Variants in HIVEP1 observed in about 807,000 individuals in gnomAD.
HIVEP1 encodes the protein HIVEP zinc finger 1, also known as zinc finger protein 40.
In HIVEP1, 36 loss-of-function variants were observed where a neutral mutation model predicts 180.0. The observed-to-expected ratio is 0.20, with a 90% CI of 0.15 to 0.26. The LOEUF is 0.26. Ranked by LOEUF, HIVEP1 falls within the 10% of genes least tolerant of loss-of-function variation. HIVEP1 has a pLI of 1.00. For missense variants in HIVEP1, 3,143 were observed against 3,268.7 expected (o/e 0.96, Z 0.94); for synonymous variants, 1,239 against 1,239.0 (o/e 1.00, Z 0.00).
At chr6:12,077,726 A>T (rs1445848169) in intron 2 of HIVEP1, among the ~76,000 whole-genome samples, 1 of 152,192 alleles carries the variant, frequency 6.6e-6, no homozygotes, top group Non-Finnish European at 1.5e-5. Flanking sequence ...TTGACATCTA[A>T]TTCTGTTGAG....
At chr6:12,174,895 GTGATTTGTAAATGAA>G in the HIVEP1 span, among the ~76,000 whole-genome samples, 1 of 150,074 alleles carries the variant, frequency 6.7e-6, no homozygotes, top group African/African-American at 2.4e-5. Flanking sequence ...TGTAATTTAA[GTGATTTGTAAATGAA>G]TGATTTGTAA....
chr6:12,095,722 A>G (rs946441993), intron 3 of HIVEP1, among the ~76,000 whole-genome samples: 1 of 151,942 alleles, frequency 6.6e-6, no homozygotes, highest in Non-Finnish European at 1.5e-5. Flanking sequence ...TCATTTTGCC[A>G]TGATGAAAAA....
chr6:12,049,216 G>A (rs1770333390), intron 2 of HIVEP1, among the ~76,000 whole-genome samples: 1 of 152,136 alleles, frequency 6.6e-6, no homozygotes, highest in South Asian at 2.1e-4. Flanking sequence ...GTACACAGAG[G>A]CTTGAGATTA....
At chr6:12,009,465 C>A (rs1023172351), upstream of HIVEP1, among the ~76,000 whole-genome samples, 1 of 152,214 alleles carries the variant, frequency 6.6e-6, no homozygotes, top group Non-Finnish European at 1.5e-5. Context: ...CCTCCAGGAG[C>A]CCCCTCTTTT....
the HIVEP1 span, among the ~76,000 whole-genome samples, chr6:12,177,215 C>G: frequency 3.9e-5 from 6 of 152,114 alleles, no homozygotes; most frequent in African/African-American, 1.4e-4. Flanking sequence ...CTATTGAGTA[C>G]TAGGCTTAGT....
chr6:12,079,933 CATCTATCTATCTATCTATCTATCT>C (rs60204350), intron 2 of HIVEP1, among the ~76,000 whole-genome samples: 42 of 149,140 alleles, frequency 2.8e-4, no homozygotes, highest in Non-Finnish European at 4.3e-4. Flanking sequence ...TTCCTGATGG[CATCTATCTATCTATCTATCTATCT>C]ATCTATCTAT....
chr6:12,073,664 A>C (rs559118007), intron 2 of HIVEP1, among the ~76,000 whole-genome samples: 1 of 152,302 alleles, frequency 6.6e-6, no homozygotes, highest in African/African-American at 2.4e-5. Flanking sequence ...TTTCATTAAA[A>C]ATATATATTT....
In HIVEP1 at chr6:12,075,040, A is replaced by G. The variant is rs534119555; in HGVS notation, c.41-14144A>G. On this transcript the variant is annotated intron_variant, in intron 2 of 8. Coordinates refer to ENST00000379388, the MANE Select transcript of HIVEP1 (RefSeq NM_002114.4). The stretch of plus-strand genomic sequence containing the variant: ...GTTAATTAGTTCAAACAGAAAAGAC[A>G]GTAAAAAAAGTACAGTGAAACCTGT... Among the ~76,000 whole-genome samples the G allele has an allele frequency of 3.9e-5, 6 of 152,366 alleles. No individual in the cohort carries two copies. In the South Asian group the frequency reaches 1.0e-3, roughly 26 times the overall value.
At chr6:12,055,285 C>T (rs531550846) in intron 2 of HIVEP1, among the ~76,000 whole-genome samples, 66 of 152,170 alleles carry the variant, frequency 4.3e-4, no homozygotes, top group East Asian at 1.5e-3. Context: ...CCATCCTGGC[C>T]AACACGGTGA....
At chr6:12,049,427 A>G (rs912017204) in intron 2 of HIVEP1, among the ~76,000 whole-genome samples, 18 of 152,162 alleles carry the variant, frequency 1.2e-4, no homozygotes, top group African/African-American at 3.9e-4. Flanking sequence ...GCGTGACAGC[A>G]CTGGCTTTCT....
At chr6:12,168,064 CATATATATGTGTATATAT>C (rs1392507001), downstream of HIVEP1, among the ~76,000 whole-genome samples, 1 of 21,448 alleles carries the variant, frequency 4.7e-5, no homozygotes, top group Admixed American at 7.3e-4. Flanking sequence ...TGTATATATA[CATATATATGTGTATATAT>C]ACATATATAC....
the HIVEP1 span, among the ~76,000 whole-genome samples, chr6:12,184,002 TA>T: frequency 2.1e-5 from 3 of 143,088 alleles, no homozygotes; most frequent in South Asian, 2.2e-4. Flanking sequence ...GATAGATAGA[TA>T]GATAGATAGA....
At chr6:12,208,697 G>A in the HIVEP1 span, among the ~76,000 whole-genome samples, 97 of 152,176 alleles carry the variant, frequency 6.4e-4, 1 homozygote, top group East Asian at 0.018. Flanking sequence ...GAGGAGAGGG[G>A]GACACAGACA....
intron 2 of HIVEP1, among the ~76,000 whole-genome samples, chr6:12,070,895 A>G (rs183816702): frequency 1.3e-3 from 196 of 152,322 alleles, no homozygotes; most frequent in African/African-American, 4.6e-3. Context: ...TTTTATTTAC[A>G]TAGTATGCAT....
intron 2 of HIVEP1, among the ~76,000 whole-genome samples, chr6:12,027,256 G>A (rs1400622417): frequency 1.3e-5 from 2 of 152,230 alleles, no homozygotes; most frequent in Non-Finnish European, 2.9e-5. Context: ...ATTGCTGTAG[G>A]AATGAATTAT....
the HIVEP1 span, among the ~76,000 whole-genome samples, chr6:12,206,605 T>C: frequency 1.3e-5 from 2 of 152,178 alleles, no homozygotes; most frequent in Non-Finnish European, 2.9e-5. Context: ...AAGCGTGGCC[T>C]TCCAAACACC....
upstream of HIVEP1, chr6:12,008,539 C>T (rs1435199440): frequency 3.3e-5 from 5 of 152,292 alleles, no homozygotes; most frequent in Admixed American, 2.6e-4. Flanking sequence ...AAATGTTCCT[C>T]TCTCACTGCG....
intron 5 of HIVEP1, 62 bp downstream of exon 5, chr6:12,129,954 T>G (rs1758328845): frequency 1.7e-6 from 2 of 1,194,790 alleles, no homozygotes; most frequent in Non-Finnish European, 2.4e-6. Context: ...GTACATTTGC[T>G]TTCATGTGAA....
the HIVEP1 span, among the ~76,000 whole-genome samples, chr6:12,202,033 G>A: frequency 6.6e-6 from 1 of 151,624 alleles, no homozygotes; most frequent in Non-Finnish European, 1.5e-5. Flanking sequence ...CAGTGATTTG[G>A]AAAAACATGT....
Sources: allele counts gnomAD v4.1 joint callset (sites outside exome capture counted in the v4.1 genomes callset), GRCh38; gene constraint gnomAD v4.1.1; transcripts MANE v1.5; gene names NCBI Gene and HGNC (gene_info 2026-07-23, HGNC 2026-07-21).